CRB1: variants seen among roughly 807,000 people sequenced by gnomAD.
The protein encoded by CRB1 is crumbs cell polarity complex component 1.
In CRB1, 83 loss-of-function variants were observed where a neutral mutation model predicts 120.0. That is an observed-to-expected ratio of 0.69 (90% CI 0.58 to 0.83). CRB1 has a LOEUF of 0.83. Among genes scored for constraint, CRB1 ranks in the 40% least tolerant of loss-of-function variants. The pLI is 0.00. For synonymous variants in CRB1, 625 were observed against 612.5 expected (o/e 1.02, Z -0.30); for missense variants, 1,699 against 1,687.6 (o/e 1.01, Z -0.12).
intron 1 of CRB1, among the ~76,000 whole-genome samples, chr1:197,322,909 C>A (rs1195323884): frequency 6.6e-6 from 1 of 151,992 alleles, no homozygotes; most frequent in Non-Finnish European, 1.5e-5. Context: ...CCTGACCTAG[C>A]ACATATTAGA....
intron 2 of CRB1, among the ~76,000 whole-genome samples, chr1:197,336,188 G>A (rs982906055): frequency 2.6e-5 from 4 of 152,156 alleles, no homozygotes; most frequent in South Asian, 2.1e-4. Flanking sequence ...CCATGCTGAT[G>A]CATAAGTCTA....
At chr1:197,444,090 T>A (rs971635732) in intron 11 of CRB1, 7 of 152,190 alleles carry the variant, frequency 4.6e-5, no homozygotes, top group Admixed American at 3.9e-4. Flanking sequence ...TTAAGAAAGT[T>A]GTTTTTTTGT....
intron 2 of CRB1, among the ~76,000 whole-genome samples, chr1:197,338,768 G>A (rs1236103055): frequency 4.6e-5 from 7 of 152,020 alleles, no homozygotes; most frequent in Non-Finnish European, 1.0e-4. Flanking sequence ...TAATCAAATA[G>A]TTAAATAAAA....
intron 5 of CRB1, among the ~76,000 whole-genome samples, chr1:197,369,325 A>T (rs892433987): frequency 2.0e-5 from 3 of 151,744 alleles, no homozygotes; most frequent in African/African-American, 7.3e-5. Context: ...AACACAGAAG[A>T]CCCTCAGAAA....
intron 1 of CRB1, among the ~76,000 whole-genome samples, chr1:197,326,031 TAA>T (rs1438573482): frequency 2.0e-5 from 3 of 152,152 alleles, no homozygotes; most frequent in Admixed American, 6.5e-5. Context: ...ATACTGATGA[TAA>T]GAGGATATTT....
intron 1 of CRB1, 152 bp from the exon 2 acceptor site, chr1:197,328,270 T>C: frequency 1.6e-6 from 1 of 643,892 alleles, no homozygotes; most frequent in Non-Finnish European, 2.8e-6. Context: ...CTAGGTATAG[T>C]AATGTAGATG....
At chr1:197,363,133 AG>A (rs1660864418) in intron 5 of CRB1, among the ~76,000 whole-genome samples, 1 of 84,250 alleles carries the variant, frequency 1.2e-5, no homozygotes, top group African/African-American at 4.3e-5. Context: ...ACTTCTATTT[AG>A]GTTTTTTTTT....
At chr1:197,345,757 C>T (rs1659734579) in intron 3 of CRB1, among the ~76,000 whole-genome samples, 1 of 152,072 alleles carries the variant, frequency 6.6e-6, no homozygotes, top group African/African-American at 2.4e-5. Flanking sequence ...ATCTACCTGC[C>T]TCTGCCTCCT....
chr1:197,477,915 CTG>C lies in CRB1; in HGVS notation c.*39_*40del. On this transcript the variant is annotated 3_prime_UTR_variant, in exon 12 of 12. Coordinates refer to ENST00000367400, the MANE Select transcript of CRB1 (RefSeq NM_201253.3). ...TCCCTTCGAGATGGGGATCCACACA[CTG>C]TGAATGTGATGACTGTACTTCAGGT... is the stretch of plus-strand genomic sequence containing the variant. 4 of 1,584,484 alleles carry C rather than the reference CTG, an allele frequency of 2.5e-6. No homozygotes were observed. Among genetic ancestry groups the C allele is most frequent in the Non-Finnish European group, 3.5e-6 (4 of 1,153,150 alleles).
chr1:197,418,160 C>G (rs946952253), intron 5 of CRB1, among the ~76,000 whole-genome samples: 27 of 152,058 alleles, frequency 1.8e-4, no homozygotes, highest in African/African-American at 5.6e-4. Context: ...TAGTTTTACC[C>G]TCAATCAAAT....
At chr1:197,374,962 G>C (rs1178666697) in intron 5 of CRB1, among the ~76,000 whole-genome samples, 1 of 152,046 alleles carries the variant, frequency 6.6e-6, no homozygotes, top group East Asian at 1.9e-4. Flanking sequence ...ATCCCAATCT[G>C]ATTGATGGGC....
intron 8 of CRB1, among the ~76,000 whole-genome samples, chr1:197,433,810 T>C (rs570469226): frequency 1.3e-5 from 2 of 152,092 alleles, no homozygotes; most frequent in East Asian, 3.9e-4. Flanking sequence ...ACTGGTAGAG[T>C]TGACCTTGGT....
At chr1:197,348,712 G>T (rs1457173520) in intron 4 of CRB1, among the ~76,000 whole-genome samples, 1 of 152,010 alleles carries the variant, frequency 6.6e-6, no homozygotes, top group Non-Finnish European at 1.5e-5. Context: ...TCCTAACCTT[G>T]TGATCCGCCC....
At chr1:197,459,062 A>T (rs1446036441) in intron 11 of CRB1, among the ~76,000 whole-genome samples, 2 of 152,080 alleles carry the variant, frequency 1.3e-5, no homozygotes, top group Non-Finnish European at 2.9e-5. Context: ...ATAGTGGGAA[A>T]AAAAAGTTTG....
At chr1:197,464,993 T>C (rs1200916228) in intron 11 of CRB1, among the ~76,000 whole-genome samples, 3 of 152,210 alleles carry the variant, frequency 2.0e-5, no homozygotes, top group African/African-American at 7.2e-5. Context: ...TCTTGTCACT[T>C]CTGCTTCCCA....
chr1:197,368,620 A>G (rs1443018553), intron 5 of CRB1, among the ~76,000 whole-genome samples: 1 of 152,212 alleles, frequency 6.6e-6, no homozygotes, highest in Non-Finnish European at 1.5e-5. Context: ...ACAGACCAAA[A>G]CAGAGGCAGA....
At position 197,365,929 on chromosome 1, in the gene CRB1, T is replaced by C. The variant is rs149591562; in HGVS notation, c.1171+8916T>C. On this transcript the variant is annotated intron_variant, in intron 5 of 11. Transcript: ENST00000367400. ...CTGTTTGGTTGTTACATGTAGTTTTTAGTCATGCTTAGTGGGGAGAAACAG... is the reference window on the plus strand; with the variant it reads ...CTGTTTGGTTGTTACATGTAGTTTTCAGTCATGCTTAGTGGGGAGAAACAG... Among the ~76,000 whole-genome samples the C allele has an allele frequency of 3.4e-3, 513 of 152,258 alleles. 2 individuals carry two copies. Among genetic ancestry groups the C allele is most frequent in the South Asian group, 9.3e-3 (45 of 4,824 alleles).
rs758332743 is a variant in CRB1, at chr1:197,435,078, A to C, written c.3215A>C (p.Asn1072Thr). 1 of 1,613,974 alleles carries C rather than the reference A, an allele frequency of 6.2e-7. No individual in the cohort carries two copies. Among genetic ancestry groups the C allele is most frequent in the Non-Finnish European group, 8.5e-7 (1 of 1,179,902 alleles). Residue 1072 changes from asparagine (N) to threonine (T), a missense_variant, in exon 9 of 12, where the codon AAC becomes ACC. Asn to Thr is a moderately conservative substitution (Grantham distance 65). Coordinates refer to ENST00000367400, the MANE Select transcript of CRB1 (RefSeq NM_201253.3). ...VTSTIATGSL[N>T]FLKDNTDIYV... ...AGCACAATTGCTACTGGAAGCCTCA[A>C]CTTTTTGAAGGATAATACAGATATT...
At chr1:197,269,136 A>G (rs768843613) in intron 1 of CRB1, among the ~76,000 whole-genome samples, 3 of 152,216 alleles carry the variant, frequency 2.0e-5, no homozygotes, top group Non-Finnish European at 4.4e-5. Flanking sequence ...AGGAGACCAA[A>G]TTGCCCCAGC....
Sources: gnomAD v4.1 joint callset for allele counts (sites outside exome capture counted in the v4.1 genomes callset) on GRCh38, gnomAD v4.1.1 for gene constraint, MANE v1.5 for transcripts, NCBI Gene and HGNC (gene_info 2026-07-23, HGNC 2026-07-21) for gene names.